TRRAP: variants seen among roughly 807,000 people sequenced by gnomAD.
TRRAP encodes transformation/transcription domain associated protein.
A neutral mutation model predicts 438.8 loss-of-function variants in TRRAP; 41 were observed. The observed-to-expected ratio is 0.09, with a 90% CI of 0.07 to 0.12. The LOEUF is 0.12. TRRAP is among the 10% of genes least tolerant of loss of function. The pLI, the probability that TRRAP is intolerant of heterozygous loss-of-function variation, is 1.00. For synonymous variants in TRRAP, 1,994 were observed against 1,962.9 expected (o/e 1.02, Z -0.42); for missense variants, 3,122 against 5,055.1 (o/e 0.62, Z 11.60).
At chr7:99,004,913 C>T (rs1334723274) in intron 68 of TRRAP, among the ~76,000 whole-genome samples, 1 of 152,176 alleles carries the variant, frequency 6.6e-6, no homozygotes, top group Non-Finnish European at 1.5e-5. Flanking sequence ...GGCCAGCTCT[C>T]CCTCCTCCTT....
intron 3 of TRRAP, among the ~76,000 whole-genome samples, chr7:98,883,462 A>T (rs2190266): frequency 2.9e-4 from 44 of 152,236 alleles, no homozygotes; most frequent in African/African-American, 1.1e-3. Flanking sequence ...AACATTTGGG[A>T]TATATGAAGG....
chr7:98,912,961 G>A (rs1789344367), intron 18 of TRRAP, among the ~76,000 whole-genome samples: 1 of 152,198 alleles, frequency 6.6e-6, no homozygotes, highest in South Asian at 2.1e-4. Flanking sequence ...AAAATGCAGT[G>A]AGGCATGATT....
intron 6 of TRRAP, among the ~76,000 whole-genome samples, chr7:98,895,448 G>T (rs1796155647): frequency 6.6e-6 from 1 of 152,168 alleles, no homozygotes; most frequent in Non-Finnish European, 1.5e-5. Context: ...CACAGTATAT[G>T]AGAGTCTTTC....
Position 98,992,239 on chromosome 7 carries a change from G to A in TRRAP, c.9847+12G>A, listed in dbSNP as rs1353959010. Reference sequence around the variant, plus strand: ...ACGCTACAAGAGCGGTACGTCTCGGGTGGGGCCGGTAGGCCAGGCCGGGAA... The same window carrying A: ...ACGCTACAAGAGCGGTACGTCTCGGATGGGGCCGGTAGGCCAGGCCGGGAA... On this transcript the variant is annotated intron_variant, in intron 65 of 72. Coordinates refer to ENST00000456197, the MANE Select transcript of TRRAP (RefSeq NM_001375524.1). 5.0e-6 allele frequency: 8 copies of A among 1,613,540 alleles called. No individual in the cohort carries two copies. In the East Asian group the frequency reaches 1.1e-4, roughly 22 times the overall value.
Position 98,967,468 on chromosome 7 carries a change from C to CT in TRRAP, c.7299-16dup. On this transcript the variant is annotated splice_polypyrimidine_tract_variant and intron_variant, in intron 50 of 72. Coordinates refer to ENST00000456197, the MANE Select transcript of TRRAP (RefSeq NM_001375524.1). ...GGGGAGTCCATCGTCTTGCCTGTCT[C>CT]TGACTTGGTGTTACAGGGATGAGAC... The CT allele has an allele frequency of 6.2e-7, 1 of 1,613,122 alleles. No homozygotes were observed. Among genetic ancestry groups the CT allele is most frequent in the Non-Finnish European group, 8.5e-7 (1 of 1,179,778 alleles).
At chr7:98,884,928 C>T (rs1308006828) in intron 3 of TRRAP, among the ~76,000 whole-genome samples, 1 of 152,074 alleles carries the variant, frequency 6.6e-6, no homozygotes. Flanking sequence ...TTTTGGTTTA[C>T]CTGGGTACCA....
intron 7 of TRRAP, among the ~76,000 whole-genome samples, chr7:98,897,341 G>A (rs554398726): frequency 1.3e-5 from 2 of 152,352 alleles, no homozygotes; most frequent in African/African-American, 4.8e-5. Context: ...TTTCTTCCCA[G>A]AAGGGATGGA....
chr7:98,904,897 T>C (rs1204591359), intron 12 of TRRAP, among the ~76,000 whole-genome samples: 1 of 152,188 alleles, frequency 6.6e-6, no homozygotes, highest in African/African-American at 2.4e-5. Context: ...TCCACCAACA[T>C]TTTCTCTTCA....
rs370003181 is a variant in TRRAP at position 98,998,089 on chromosome 7, A to G, written c.10309+3241A>G. On this transcript the variant is annotated intron_variant, in intron 67 of 72. Coordinates refer to ENST00000456197, the MANE Select transcript of TRRAP (RefSeq NM_001375524.1). ...GTAACATGAAGTACATCAGGCTCTC[A>G]GTATAATTTCCGTAAGGCTTTTCTA... Among the ~76,000 whole-genome samples the G allele has an allele frequency of 3.5e-3, 530 of 152,308 alleles. 1 individual carries two copies. Among genetic ancestry groups the G allele is most frequent in the African/African-American group, 0.011 (477 of 41,568 alleles).
intron 11 of TRRAP, among the ~76,000 whole-genome samples, chr7:98,903,145 C>T (rs1173702855): frequency 6.6e-6 from 1 of 152,100 alleles, no homozygotes. Context: ...CCTCAGCCTC[C>T]CAAGTAGCTG....
intron 70 of TRRAP, among the ~76,000 whole-genome samples, chr7:99,009,183 G>T (rs1459234476): frequency 6.6e-6 from 1 of 152,166 alleles, no homozygotes; most frequent in Non-Finnish European, 1.5e-5. Flanking sequence ...GGCAGGGCAG[G>T]TATGGGCTTT....
chr7:98,878,933 A>G (rs1156881151), intron 1 of TRRAP, among the ~76,000 whole-genome samples: 2 of 152,058 alleles, frequency 1.3e-5, no homozygotes, highest in African/African-American at 2.4e-5. Flanking sequence ...ACGGCGACCA[A>G]AGGAGGGAAC....
intron 26 of TRRAP, 126 bp from the exon 27 acceptor site, chr7:98,933,115 T>C: frequency 7.7e-7 from 1 of 1,300,488 alleles, no homozygotes; most frequent in Non-Finnish European, 1.0e-6. Flanking sequence ...GAAATGTATC[T>C]CCCGTTCCCT....
At chr7:98,933,114 C>T in intron 26 of TRRAP, 127 bp from the exon 27 acceptor site, 1 of 1,283,614 alleles carries the variant, frequency 7.8e-7, no homozygotes, top group Non-Finnish European at 1.0e-6. Context: ...TGAAATGTAT[C>T]TCCCGTTCCC....
At chr7:98,937,886 A>G (rs1790625413) in intron 30 of TRRAP, 66 bp downstream of exon 30, 13 of 1,473,778 alleles carry the variant, frequency 8.8e-6, no homozygotes, top group African/African-American at 1.4e-5. Flanking sequence ...TTAAAAATAA[A>G]TAATGCAGCT....
intron 23 of TRRAP, among the ~76,000 whole-genome samples, chr7:98,928,940 A>ATT (rs782385931): frequency 3.9e-5 from 5 of 128,154 alleles, no homozygotes; most frequent in Admixed American, 7.9e-5. Context: ...CGCCCGGCTA[A>ATT]TTTTTTTTTT....
rs187175739 is a variant in TRRAP, at chr7:98,912,610, A to G, written c.2199+397A>G. Among the ~76,000 whole-genome samples the G allele has an allele frequency of 5.3e-3, 800 of 152,150 alleles. 3 individuals carry two copies. The highest frequency in any genetic ancestry group is 0.017 in the African/African-American group (706 of 41,520). On this transcript the variant is annotated intron_variant, in intron 18 of 72. Transcript: ENST00000456197. Reference sequence around the variant, plus strand: ...CAAGTGTGGTGGTATTAGTATTGACACCACTGATTTTCTTTTTTAAACCTA... The same window carrying G: ...CAAGTGTGGTGGTATTAGTATTGACGCCACTGATTTTCTTTTTTAAACCTA...
At chr7:98,912,542 A>G (rs535496823) in intron 18 of TRRAP, among the ~76,000 whole-genome samples, 18 of 152,222 alleles carry the variant, frequency 1.2e-4, no homozygotes, top group East Asian at 5.8e-4. Flanking sequence ...TAATTTGTCT[A>G]TCTAGTAACT....
chr7:98,904,888 C>A (rs1195069914), intron 12 of TRRAP, among the ~76,000 whole-genome samples: 1 of 152,208 alleles, frequency 6.6e-6, no homozygotes, highest in Non-Finnish European at 1.5e-5. Context: ...ACGTCCACTT[C>A]CACCAACATT....
Sources: gnomAD v4.1 joint callset for allele counts (sites outside exome capture counted in the v4.1 genomes callset) on GRCh38, gnomAD v4.1.1 for gene constraint, MANE v1.5 for transcripts, NCBI Gene and HGNC (gene_info 2026-07-23, HGNC 2026-07-21) for gene names.